Variants in CYP3A43 observed in about 807,000 individuals in gnomAD.
The protein encoded by CYP3A43 is cytochrome P450 3A43.
Under a neutral mutation model 58.0 loss-of-function variants are expected in CYP3A43, and 45 were observed. The observed-to-expected ratio is 0.78, with a 90% CI of 0.61 to 0.99. CYP3A43 has a LOEUF of 0.99. Among genes scored for constraint, CYP3A43 ranks in the 50% least tolerant of loss-of-function variants. The pLI is 0.00. For missense variants in CYP3A43, 593 were observed against 591.9 expected, an observed-to-expected ratio of 1.00 and a Z score of -0.02; for synonymous variants, 191 against 201.4, an observed-to-expected ratio of 0.95 and a Z score of 0.44.
At chr7:99,843,559 G>A (rs774599132) in intron 3 of CYP3A43, among the ~76,000 whole-genome samples, 4 of 151,908 alleles carry the variant, frequency 2.6e-5, no homozygotes, top group Non-Finnish European at 5.9e-5. Flanking sequence ...TCCACCTCCC[G>A]GGTTCAAGTG....
chr7:99,853,169 G>A (rs985991498), intron 7 of CYP3A43, among the ~76,000 whole-genome samples: 9 of 152,280 alleles, frequency 5.9e-5, no homozygotes, highest in Admixed American at 5.2e-4. Context: ...TTGTAGAATG[G>A]ATATTAATTC....
intron 9 of CYP3A43, among the ~76,000 whole-genome samples, chr7:99,858,660 G>GTATTAT (rs150747464): frequency 1.0e-3 from 143 of 142,260 alleles, no homozygotes; most frequent in Middle Eastern, 3.5e-3. Context: ...TCTTCCTGCT[G>GTATTAT]TATTATTATT....
chr7:99,846,338 A>T (rs558798890), intron 4 of CYP3A43, among the ~76,000 whole-genome samples: 1 of 152,252 alleles, frequency 6.6e-6, no homozygotes, highest in South Asian at 2.1e-4. Context: ...AAAGTATTTC[A>T]TTTTCATTGA....
intron 11 of CYP3A43, 35 bp from the exon 12 acceptor site, chr7:99,863,502 C>A: frequency 6.5e-7 from 1 of 1,536,750 alleles, no homozygotes; most frequent in South Asian, 1.3e-5. Context: ...TTTTATGTTT[C>A]ATTAACTAGT....
At chr7:99,856,385 G>T (rs184588153) in intron 8 of CYP3A43, among the ~76,000 whole-genome samples, 1 of 152,206 alleles carries the variant, frequency 6.6e-6, no homozygotes. Context: ...TAGGAGTGGG[G>T]AGTATTTGAA....
intron 6 of CYP3A43, among the ~76,000 whole-genome samples, chr7:99,848,839 G>T (rs1424419641): frequency 6.6e-6 from 1 of 152,218 alleles, no homozygotes; most frequent in African/African-American, 2.4e-5. Context: ...AATTATGCTG[G>T]AACAACATGT....
chr7:99,848,350 C>A (rs1229504309), intron 6 of CYP3A43, 96 bp downstream of exon 6: 6 of 1,313,150 alleles, frequency 4.6e-6, no homozygotes, highest in South Asian at 1.3e-5. Flanking sequence ...CTCCAGTGAT[C>A]GGACAAAAGC....
chr7:99,855,325 T>C (rs2151618002), intron 7 of CYP3A43, among the ~76,000 whole-genome samples: 1 of 152,320 alleles, frequency 6.6e-6, no homozygotes, highest in African/African-American at 2.4e-5. Context: ...TTTAATTCTG[T>C]TCCTTTGGTC....
chr7:99,834,868 T>G (rs1563058967), intron 1 of CYP3A43, among the ~76,000 whole-genome samples: 1 of 152,216 alleles, frequency 6.6e-6, no homozygotes, highest in Non-Finnish European at 1.5e-5. Context: ...GAAGTTATTT[T>G]GTGGCATTAA....
At chr7:99,860,067 CA>C (rs1390341105) in intron 10 of CYP3A43, 77 bp downstream of exon 10, 27 of 1,508,402 alleles carry the variant, frequency 1.8e-5, no homozygotes, top group Non-Finnish European at 2.4e-5. Flanking sequence ...CTTGCCAGGA[CA>C]ATTTTTGCAA....
intron 5 of CYP3A43, 23 bp from the exon 6 acceptor site, chr7:99,848,143 C>A: frequency 6.2e-7 from 1 of 1,612,416 alleles, no homozygotes; most frequent in African/African-American, 1.3e-5. Context: ...GCGTAGTTAA[C>A]TATGGGTGGT....
chr7:99,844,050 G>C (rs544536697), intron 3 of CYP3A43, 93 bp from the exon 4 acceptor site: 36 of 958,158 alleles, frequency 3.8e-5, no homozygotes, highest in Non-Finnish European at 4.8e-5. Context: ...ATGGATGATG[G>C]AATGTCAGGA....
chr7:99,830,209 T>C (rs1031589537), intron 1 of CYP3A43, among the ~76,000 whole-genome samples: 1 of 152,118 alleles, frequency 6.6e-6, no homozygotes, highest in Non-Finnish European at 1.5e-5. Context: ...CCCCTCCCTA[T>C]AATCTCATGA....
chr7:99,847,086 T>C (rs1036177719), intron 4 of CYP3A43, among the ~76,000 whole-genome samples: 1 of 152,290 alleles, frequency 6.6e-6, no homozygotes, highest in Admixed American at 6.5e-5. Flanking sequence ...AAGACACAGC[T>C]GCTCTGAGGC....
At chr7:99,836,757 C>A (rs560590080) in intron 2 of CYP3A43, among the ~76,000 whole-genome samples, 15 of 152,242 alleles carry the variant, frequency 9.9e-5, no homozygotes, top group African/African-American at 3.4e-4. Context: ...TTGCACGGCA[C>A]AGATATCTGG....
intron 9 of CYP3A43, 55 bp from the exon 10 acceptor site, chr7:99,859,775 A>G: frequency 6.2e-7 from 1 of 1,602,922 alleles, no homozygotes; most frequent in Non-Finnish European, 8.5e-7. Context: ...CTTCATCTAA[A>G]CTGTGATGCT....
intron 6 of CYP3A43, among the ~76,000 whole-genome samples, chr7:99,848,664 C>G (rs1444291626): frequency 6.6e-6 from 1 of 152,174 alleles, no homozygotes; most frequent in East Asian, 1.9e-4. Flanking sequence ...GTTGGAATAA[C>G]TTCAATCCCT....
At chr7:99,842,370 T>A (rs1345621788) in intron 3 of CYP3A43, among the ~76,000 whole-genome samples, 1 of 152,238 alleles carries the variant, frequency 6.6e-6, no homozygotes, top group African/African-American at 2.4e-5. Flanking sequence ...TGTCAATTAC[T>A]CATTCATATT....
chr7:99,856,788 T>C, intron 8 of CYP3A43, 45 bp from the exon 9 acceptor site: 1 of 1,610,542 alleles, frequency 6.2e-7, no homozygotes, highest in Non-Finnish European at 8.5e-7. Flanking sequence ...ACTTCTGACT[T>C]CACAAGTGAC....
Sources: gnomAD v4.1 joint callset for allele counts (sites outside exome capture counted in the v4.1 genomes callset) on GRCh38, gnomAD v4.1.1 for gene constraint, MANE v1.5 for transcripts, NCBI Gene and HGNC (gene_info 2026-07-23, HGNC 2026-07-21) for gene names.